The following PLCG2 variants were observed in gnomAD, a reference collection of about 807,000 sequenced individuals.
PLCG2 encodes the protein 1-phosphatidylinositol 4,5-bisphosphate phosphodiesterase gamma-2.
A neutral mutation model predicts 175.6 loss-of-function variants in PLCG2; 69 were observed. That is an observed-to-expected ratio of 0.39 (90% CI 0.32 to 0.48). PLCG2 has a LOEUF of 0.48. PLCG2 is among the 20% of genes least tolerant of loss of function. PLCG2 has a pLI of 0.91. For synonymous variants in PLCG2, 827 were observed against 624.0 expected (o/e 1.33, Z -4.85); for missense variants, 1,798 against 1,650.9 (o/e 1.09, Z -1.54).
chr16:81,880,763 T>G, intron 7 of PLCG2, 147 bp from the exon 8 acceptor site: 1 of 706,928 alleles, frequency 1.4e-6, no homozygotes, highest in South Asian at 1.9e-5. Context: ...TATTTGAATA[T>G]TTACAACTAA....
intron 12 of PLCG2, among the ~76,000 whole-genome samples, chr16:81,895,005 G>A (rs543789604): frequency 2.0e-5 from 3 of 152,284 alleles, no homozygotes; most frequent in African/African-American, 4.8e-5. Context: ...CTTTCTTCCC[G>A]TTTATGATTT....
intron 30 of PLCG2, among the ~76,000 whole-genome samples, chr16:81,945,672 G>A (rs771484377): frequency 4.6e-5 from 7 of 152,194 alleles, no homozygotes; most frequent in Admixed American, 2.6e-4. Context: ...ATTGTAAAGA[G>A]GGAATGGCTT....
chr16:81,912,330 T>A (rs1461437982), intron 18 of PLCG2, among the ~76,000 whole-genome samples: 1 of 152,234 alleles, frequency 6.6e-6, no homozygotes, highest in Non-Finnish European at 1.5e-5. Context: ...CCTCCCAAAG[T>A]GCTGGGATTT....
intron 9 of PLCG2, 44 bp from the exon 10 acceptor site, chr16:81,889,128 C>A: frequency 1.8e-6 from 2 of 1,141,102 alleles, no homozygotes; most frequent in Middle Eastern, 2.0e-4. Context: ...AGAATTTTAT[C>A]AGTTCTCACT....
chr16:81,934,903 G>A (rs1396805513), intron 26 of PLCG2, among the ~76,000 whole-genome samples: 1 of 152,112 alleles, frequency 6.6e-6, no homozygotes, highest in Non-Finnish European at 1.5e-5. Context: ...GACTTATTCA[G>A]TACCACAACA....
chr16:81,770,373 G>A (rs1324987389), intron 2 of PLCG2, among the ~76,000 whole-genome samples: 1 of 152,174 alleles, frequency 6.6e-6, no homozygotes, highest in Admixed American at 6.5e-5. Flanking sequence ...ACAATGACAA[G>A]AGAAAAGTCA....
chr16:81,773,917 C>G (rs1395789527), intron 2 of PLCG2, among the ~76,000 whole-genome samples: 1 of 152,076 alleles, frequency 6.6e-6, no homozygotes, highest in Admixed American at 6.6e-5. Context: ...TCATGCAGGA[C>G]TTTGATGGTT....
intron 7 of PLCG2, among the ~76,000 whole-genome samples, chr16:81,871,294 C>T (rs1010468603): frequency 6.6e-6 from 1 of 152,180 alleles, no homozygotes; most frequent in Non-Finnish European, 1.5e-5. Flanking sequence ...TTATTAATAG[C>T]CATCTCCAGA....
At chr16:81,876,709 C>A (rs1425020098) in intron 7 of PLCG2, among the ~76,000 whole-genome samples, 1 of 152,214 alleles carries the variant, frequency 6.6e-6, no homozygotes, top group Admixed American at 6.5e-5. Context: ...CTCACTGGCC[C>A]TTTGCTGGGG....
At chr16:81,800,570 A>G (rs1911675530) in intron 2 of PLCG2, among the ~76,000 whole-genome samples, 1 of 152,132 alleles carries the variant, frequency 6.6e-6, no homozygotes, top group Non-Finnish European at 1.5e-5. Flanking sequence ...GCTGCATAGT[A>G]TTCCATGGTG....
intron 14 of PLCG2, among the ~76,000 whole-genome samples, chr16:81,903,340 C>T (rs7200056): frequency 0.097 from 14,775 of 152,160 alleles, 922 homozygotes; most frequent in African/African-American, 0.18. Context: ...AACAGAGAAA[C>T]ACCAAACAGT....
rs1315481708 is a variant in PLCG2 at position 81,962,601 on chromosome 16, G to T, written c.*4603G>T. On this transcript the variant is annotated 3_prime_UTR_variant, in exon 33 of 33. Coordinates refer to ENST00000564138, the MANE Select transcript of PLCG2 (RefSeq NM_002661.5). ...TGTGTACATAGAGAATTAAGTGAAT[G>T]AGTCACACAGATGTTGGCTGTTGTT... 3 of 222,924 alleles carry T rather than the reference G, an allele frequency of 1.3e-5. No homozygotes were observed. Among genetic ancestry groups the T allele is most frequent in the Non-Finnish European group, 1.8e-5 (2 of 111,742 alleles). 13.8% of individuals were successfully genotyped at this position (222,924 alleles called of 1,614,324 possible).
At chr16:81,790,285 G>C (rs1012053868) in intron 2 of PLCG2, among the ~76,000 whole-genome samples, 1 of 152,166 alleles carries the variant, frequency 6.6e-6, no homozygotes, top group African/African-American at 2.4e-5. Flanking sequence ...AGGGGAGTAG[G>C]GTCCATTCTC....
In PLCG2 at chr16:81,924,119, G is replaced by A. The variant is rs1037880105; in HGVS notation, c.2417+525G>A. The stretch of plus-strand genomic sequence containing the variant: ...CCACATCCTGAATTGAAGACAATAC[G>A]TTTTTCGTGCAAAGGTACCTGGGTA... On this transcript the variant is annotated intron_variant, in intron 22 of 32. Coordinates refer to ENST00000564138, the MANE Select transcript of PLCG2 (RefSeq NM_002661.5). Among the ~76,000 whole-genome samples the A allele has an allele frequency of 2.6e-5, 4 of 152,334 alleles. No individual in the cohort carries two copies. The East Asian group carries it at 7.7e-4, about 29-fold the overall frequency.
intron 2 of PLCG2, among the ~76,000 whole-genome samples, chr16:81,817,729 C>T (rs1904614288): frequency 6.6e-6 from 1 of 152,338 alleles, no homozygotes; most frequent in East Asian, 1.9e-4. Flanking sequence ...CAAGCGACCC[C>T]CATGCCCTTG....
intron 2 of PLCG2, among the ~76,000 whole-genome samples, chr16:81,854,227 C>T (rs1906566908): frequency 6.6e-6 from 1 of 152,180 alleles, no homozygotes; most frequent in South Asian, 2.1e-4. Context: ...CTTCAGACTC[C>T]AGGGGTTTGT....
intron 2 of PLCG2, among the ~76,000 whole-genome samples, chr16:81,837,004 G>A (rs1905552217): frequency 6.6e-6 from 1 of 152,224 alleles, no homozygotes; most frequent in South Asian, 2.1e-4. Context: ...TTAGTAGGAA[G>A]TTGAGGACCA....
intron 21 of PLCG2, 94 bp downstream of exon 21, chr16:81,921,363 G>A (rs773985252): frequency 5.8e-6 from 5 of 857,866 alleles, no homozygotes; most frequent in Admixed American, 3.5e-5. Context: ...CAGGGCAAGG[G>A]AAGACTTTGG....
intron 19 of PLCG2, among the ~76,000 whole-genome samples, chr16:81,918,092 G>A (rs1597131332): frequency 6.6e-6 from 1 of 152,108 alleles, no homozygotes; most frequent in African/African-American, 2.4e-5. Flanking sequence ...ATATATTTTG[G>A]ATATTGACCC....
Sources: allele counts gnomAD v4.1 joint callset (sites outside exome capture counted in the v4.1 genomes callset), GRCh38; gene constraint gnomAD v4.1.1; transcripts MANE v1.5; gene names NCBI Gene and HGNC (gene_info 2026-07-23, HGNC 2026-07-21).